The following SMARCA2 variants were observed in gnomAD, a reference collection of about 807,000 sequenced individuals.
SMARCA2 encodes SWI/SNF-related matrix-associated actin-dependent regulator of chromatin subfamily A member 2.
In SMARCA2, 61 loss-of-function variants were observed where a neutral mutation model predicts 199.8. The observed-to-expected ratio is 0.31, with a 90% CI of 0.25 to 0.38. The LOEUF is 0.38. Among genes scored for constraint, SMARCA2 ranks in the 10% least tolerant of loss-of-function variants. The pLI, the probability that SMARCA2 is intolerant of heterozygous loss-of-function variation, is 1.00. For synonymous variants in SMARCA2, 935 were observed against 732.0 expected (o/e 1.28, Z -4.48); for missense variants, 1,344 against 2,012.2 (o/e 0.67, Z 6.35).
chr9:2,093,832 C>A (rs1382741418), intron 19 of SMARCA2, among the ~76,000 whole-genome samples: 1 of 152,186 alleles, frequency 6.6e-6, no homozygotes, highest in Non-Finnish European at 1.5e-5. Context: ...AATCAACTTC[C>A]TTTAACATTG....
Position 2,170,617 on chromosome 9 carries a change from A to G in SMARCA2, c.4253+145A>G, listed in dbSNP as rs1016681840. On this transcript the variant is annotated intron_variant, in intron 29 of 33. Coordinates refer to ENST00000349721, the MANE Select transcript of SMARCA2 (RefSeq NM_003070.5). This position sits in a 1 kb window ranked among gnomAD's most constrained non-coding sequence, Gnocchi z 4.7. The stretch of plus-strand genomic sequence containing the variant: ...CCTACTTGGAGAGCGGGATAGAGGC[A>G]CAGATACTCTTAAACAGCTGTCATG... 1.1e-5 allele frequency: 15 copies of G among 1,334,830 alleles called. No individual in the cohort carries two copies. The Admixed American group carries it at 3.0e-4, about 27-fold the overall frequency. The allele number at this position is 1,334,830 out of a possible 1,614,324, so 82.7% of individuals were successfully genotyped here.
At chr9:2,098,684 C>T (rs1563767025) in intron 21 of SMARCA2, among the ~76,000 whole-genome samples, 2 of 152,144 alleles carry the variant, frequency 1.3e-5, no homozygotes, top group Non-Finnish European at 2.9e-5. Context: ...GGGGCTCACC[C>T]CTGTAATTTG....
At chr9:2,064,268 A>G (rs1820730473) in intron 9 of SMARCA2, among the ~76,000 whole-genome samples, 1 of 152,168 alleles carries the variant, frequency 6.6e-6, no homozygotes, top group South Asian at 2.1e-4. Flanking sequence ...TATTTATACT[A>G]ATTTGCTATT....
chr9:2,125,831 C>T (rs1823666002), intron 27 of SMARCA2, among the ~76,000 whole-genome samples: 1 of 152,164 alleles, frequency 6.6e-6, no homozygotes, highest in Non-Finnish European at 1.5e-5. Flanking sequence ...GTTTACTCTC[C>T]AGACATTAAA....
In SMARCA2 at chr9:2,091,089, C is replaced by G. The variant is rs537875216; in HGVS notation, c.2883+2476C>G. Among the ~76,000 whole-genome samples the G allele has an allele frequency of 2.0e-5, 3 of 152,218 alleles. No homozygotes were observed. In the East Asian group the frequency reaches 5.8e-4, roughly 29 times the overall value. On this transcript the variant is annotated intron_variant, in intron 19 of 33. Transcript: ENST00000349721. ...GAGCCATATAGGAAAGAGGCTTTTA[C>G]TTTTATTTTTTAATTTATGTGTAGC...
At chr9:2,144,369 T>C (rs1824616380) in intron 27 of SMARCA2, among the ~76,000 whole-genome samples, 1 of 152,108 alleles carries the variant, frequency 6.6e-6, no homozygotes, top group Non-Finnish European at 1.5e-5. Flanking sequence ...CGTTCTTGTG[T>C]CCTTCGCTGG....
At chr9:2,100,276 G>A (rs1822453473) in intron 21 of SMARCA2, among the ~76,000 whole-genome samples, 1 of 152,214 alleles carries the variant, frequency 6.6e-6, no homozygotes, top group African/African-American at 2.4e-5. Flanking sequence ...ATTTCTTTCT[G>A]TGAATCAGAA....
chr9:2,096,556 A>T, intron 19 of SMARCA2, 101 bp from the exon 20 acceptor site: 1 of 738,788 alleles, frequency 1.4e-6, no homozygotes, highest in Non-Finnish European at 2.4e-6. Context: ...AGAAAGAGAG[A>T]CACCTTTGTG....
chr9:2,032,804 T>C (rs966165367), intron 2 of SMARCA2, 148 bp from the exon 3 acceptor site: 10 of 595,652 alleles, frequency 1.7e-5, no homozygotes, highest in South Asian at 5.1e-5. Context: ...TTGCTGATCC[T>C]TTTGGTCTAG....
In SMARCA2 at chr9:2,029,093, G is replaced by A. The variant is rs1236752228; in HGVS notation, c.71G>A (p.Gly24Glu). 6.3e-7 allele frequency: 1 copy of A among 1,586,928 alleles called. No homozygotes were observed. Among genetic ancestry groups the A allele is most frequent in the Admixed American group, 1.8e-5 (1 of 56,930 alleles). ...GPSPGPGPSP[G>E]PILGPSPGPG... is the part of the protein sequence containing the mutation. Reference sequence around the variant, plus strand: ...TCGCCGGGGCCTGGGCCTTCCCCTGGGCCAATTCTTGGGCCTAGTCCAGGA... The same window carrying A: ...TCGCCGGGGCCTGGGCCTTCCCCTGAGCCAATTCTTGGGCCTAGTCCAGGA... Residue 24 changes from glycine to glutamate, a missense_variant, in exon 2 of 34, where the codon GGG (glycine) becomes GAG (glutamate). Coordinates refer to ENST00000349721, the MANE Select transcript of SMARCA2 (RefSeq NM_003070.5).
At chr9:2,127,605 C>G (rs1057422505) in intron 27 of SMARCA2, among the ~76,000 whole-genome samples, 2 of 152,160 alleles carry the variant, frequency 1.3e-5, no homozygotes, top group South Asian at 2.1e-4. Context: ...GTATGGAAGT[C>G]TAATGGGCCC....
chr9:2,140,542 A>G (rs188404869), intron 27 of SMARCA2, among the ~76,000 whole-genome samples: 154 of 152,280 alleles, frequency 1.0e-3, no homozygotes, highest in Non-Finnish European at 1.9e-3. Flanking sequence ...CACAACCCCC[A>G]AACGCCTGAA....
At chr9:2,127,605 C>CT (rs1823753917) in intron 27 of SMARCA2, among the ~76,000 whole-genome samples, 1 of 152,160 alleles carries the variant, frequency 6.6e-6, no homozygotes, top group Admixed American at 6.5e-5. Flanking sequence ...GTATGGAAGT[C>CT]TAATGGGCCC....
chr9:2,122,489 G>A (rs1453505894), intron 26 of SMARCA2, among the ~76,000 whole-genome samples: 1 of 152,138 alleles, frequency 6.6e-6, no homozygotes, highest in Non-Finnish European at 1.5e-5. Context: ...TAAGCATCGT[G>A]AGCTAATTAT....
Position 2,061,003 on chromosome 9 carries a change from T to C in SMARCA2, c.1692+17T>C. ...AGGAAGAAGGTGCGTATCCTAGTGG[T>C]GGTGGCTGAGTCCAGGGTGTATGGG... is the stretch of plus-strand genomic sequence containing the variant. On this transcript the variant is annotated intron_variant, in intron 9 of 33. Coordinates refer to ENST00000349721, the MANE Select transcript of SMARCA2 (RefSeq NM_003070.5). The C allele has an allele frequency of 6.2e-7, 1 of 1,611,208 alleles. No individual in the cohort carries two copies. Among genetic ancestry groups the C allele is most frequent in the Non-Finnish European group, 8.5e-7 (1 of 1,178,790 alleles).
At chr9:2,063,103 G>A (rs973861481) in intron 9 of SMARCA2, among the ~76,000 whole-genome samples, 1 of 152,124 alleles carries the variant, frequency 6.6e-6, no homozygotes, top group African/African-American at 2.4e-5. Flanking sequence ...TGGGTGCCTA[G>A]CATTTGTGCC....
At chr9:2,037,145 T>G (rs935029207) in intron 3 of SMARCA2, among the ~76,000 whole-genome samples, 4 of 152,228 alleles carry the variant, frequency 2.6e-5, no homozygotes, top group African/African-American at 9.7e-5. Context: ...GACTGCCATT[T>G]TGTACTAGCG....
rs1828028749 is a variant in SMARCA2, at chr9:2,193,407, C to T, written c.*668C>T. On this transcript the variant is annotated 3_prime_UTR_variant, in exon 34 of 34. Coordinates refer to ENST00000349721, the MANE Select transcript of SMARCA2 (RefSeq NM_003070.5). ...TTGTTGAAAGCGCTATTGAATATTG[C>T]AATCTATATAGTGTATTGGATGGCT... is the stretch of plus-strand genomic sequence containing the variant. 2 of 152,616 alleles carry T rather than the reference C, an allele frequency of 1.3e-5. No individual in the cohort carries two copies. Among genetic ancestry groups the T allele is most frequent in the Admixed American group, 6.5e-5 (1 of 15,278 alleles). 9.5% of individuals were successfully genotyped at this position (152,616 alleles called of 1,614,324 possible). A position where few individuals can be genotyped will look rare whatever the true frequency, so the allele number is the denominator to read the frequency against.
intron 23 of SMARCA2, among the ~76,000 whole-genome samples, chr9:2,108,223 T>C (rs1368816713): frequency 6.6e-6 from 1 of 152,204 alleles, no homozygotes; most frequent in Non-Finnish European, 1.5e-5. Flanking sequence ...TGGACAGAGC[T>C]GGCCAAAGTT....
Sources: gnomAD v4.1 joint callset for allele counts (sites outside exome capture counted in the v4.1 genomes callset) on GRCh38, gnomAD v4.1.1 for gene constraint, Gnocchi (gnomAD v3.1) non-coding constraint, MANE v1.5 for transcripts, NCBI Gene and HGNC (gene_info 2026-07-23, HGNC 2026-07-21) for gene names.